The following METTL21A variants were observed in gnomAD, a reference collection of about 807,000 sequenced individuals.
METTL21A encodes the protein methyltransferase 21A, HSPA lysine, also known as protein N-lysine methyltransferase METTL21A.
In METTL21A, 22 loss-of-function variants were observed where a neutral mutation model predicts 20.9. The ratio of observed to expected loss-of-function variants is 1.05; its 90% CI spans 0.75 to 1.50. The LOEUF is 1.50. METTL21A is among the 40% of genes most tolerant of loss of function. METTL21A has a pLI of 0.00. For missense variants in METTL21A, 271 were observed against 266.8 expected (o/e 1.02, Z -0.11); for synonymous variants, 93 against 102.0 (o/e 0.91, Z 0.53).
intron 3 of METTL21A, among the ~76,000 whole-genome samples, chr2:207,586,410 C>G (rs899730721): frequency 1.2e-4 from 19 of 152,136 alleles, no homozygotes; most frequent in African/African-American, 4.3e-4. Context: ...ACCCAAAAAT[C>G]CACTCCAAGT....
At chr2:207,624,686 G>A (rs1022875064) in intron 1 of METTL21A, 1 of 169,984 alleles carries the variant, frequency 5.9e-6, no homozygotes, top group Non-Finnish European at 1.3e-5. Context: ...ACCACTCCGT[G>A]AATTCAGAAC....
chr2:207,585,431 TAA>T (rs1160564643), intron 3 of METTL21A, among the ~76,000 whole-genome samples: 1 of 151,950 alleles, frequency 6.6e-6, no homozygotes, highest in East Asian at 1.9e-4. Flanking sequence ...ACATCTACAG[TAA>T]AAGTCTTTCT....
intron 3 of METTL21A, among the ~76,000 whole-genome samples, chr2:207,587,119 C>T (rs1449593590): frequency 6.6e-6 from 1 of 152,066 alleles, no homozygotes; most frequent in Non-Finnish European, 1.5e-5. Flanking sequence ...AAGGGCCAGG[C>T]GTGGTGGCTC....
chr2:207,592,225 G>A (rs1178855458), intron 3 of METTL21A, among the ~76,000 whole-genome samples: 1 of 152,080 alleles, frequency 6.6e-6, no homozygotes, highest in African/African-American at 2.4e-5. Flanking sequence ...GGCCAACATG[G>A]TGAAACCCTC....
exon 4 of METTL21A, chr2:207,613,402 A>G (rs1559113297): frequency 6.2e-7 from 1 of 1,605,834 alleles, no homozygotes; most frequent in South Asian, 1.1e-5. Context: ...GATTTAAGAA[A>G]TTCTAATGCT....
At chr2:207,593,933 G>A (rs781117579) in intron 3 of METTL21A, among the ~76,000 whole-genome samples, 60 of 152,022 alleles carry the variant, frequency 3.9e-4, no homozygotes, top group Non-Finnish European at 8.2e-4. Context: ...TGGCCAGGCT[G>A]GTCTCAAACT....
rs572134430 is a variant in METTL21A at position 207,592,671 on chromosome 2, A to G, written c.260-10511T>C. On this transcript the variant is annotated intron_variant, in intron 3 of 3. Coordinates refer to the METTL21A transcript ENST00000425132. Reference sequence around the variant, plus strand: ...TGCAGTGGCTCACGCATGTAATCCCAGCACTTTGGGAGACCAAGGCAGGCG... The same window carrying G: ...TGCAGTGGCTCACGCATGTAATCCCGGCACTTTGGGAGACCAAGGCAGGCG... Among the ~76,000 whole-genome samples the G allele has an allele frequency of 1.4e-4, 21 of 152,172 alleles. No homozygotes were observed. In the South Asian group the frequency reaches 4.4e-3, roughly 32 times the overall value.
intron 3 of METTL21A, among the ~76,000 whole-genome samples, chr2:207,620,065 T>G (rs1360261486): frequency 6.6e-6 from 1 of 152,266 alleles, no homozygotes; most frequent in Non-Finnish European, 1.5e-5. Flanking sequence ...CATGAAGCCC[T>G]GGTTCTCAGG....
chr2:207,621,424 CAGAT>C (rs1219461593), intron 3 of METTL21A, among the ~76,000 whole-genome samples: 3 of 152,202 alleles, frequency 2.0e-5, no homozygotes, highest in Non-Finnish European at 4.4e-5. Flanking sequence ...AGGGTTAAAT[CAGAT>C]AGTGTATGGG....
In METTL21A at chr2:207,624,225, T is replaced by A; in HGVS notation, c.147+4A>T. ...TTTTCAGAGGTCCCCCAGGGCTTACTTACCGCATCCCAAACCACCGCTGCG... is the reference window on the plus strand; with the variant it reads ...TTTTCAGAGGTCCCCCAGGGCTTACATACCGCATCCCAAACCACCGCTGCG... On this transcript the variant is annotated splice_donor_region_variant and intron_variant, in intron 2 of 3. Coordinates refer to ENST00000406927, the Ensembl canonical transcript of METTL21A. The A allele has an allele frequency of 1.3e-6, 2 of 1,598,290 alleles. No homozygotes were observed. The highest frequency in any genetic ancestry group is 1.7e-6 in the Non-Finnish European group (2 of 1,173,666).
chr2:207,602,463 G>A (rs751593213), intron 3 of METTL21A: 10 of 202,162 alleles, frequency 4.9e-5, no homozygotes, highest in Non-Finnish European at 1.0e-4. Flanking sequence ...TCAAAGAGTA[G>A]GAAATTCACA....
chr2:207,616,773 G>A (rs960179972), intron 3 of METTL21A, among the ~76,000 whole-genome samples: 15 of 152,024 alleles, frequency 9.9e-5, no homozygotes, highest in African/African-American at 3.6e-4. Flanking sequence ...TTGAACCCGG[G>A]AGGCAGAGGT....
downstream of METTL21A, among the ~76,000 whole-genome samples, chr2:207,581,164 ATTTAGGAAAGTAAAAGAT>A (rs2082913063): frequency 6.6e-6 from 1 of 152,222 alleles, no homozygotes; most frequent in South Asian, 2.1e-4. Flanking sequence ...TAAACCCCCT[ATTTAGGAAAGTAAAAGAT>A]AAAGTAGCAA....
intron 3 of METTL21A, among the ~76,000 whole-genome samples, chr2:207,583,293 G>C (rs571725650): frequency 6.6e-6 from 1 of 152,214 alleles, no homozygotes; most frequent in South Asian, 2.1e-4. Context: ...TACTTAAATA[G>C]GAATACACAC....
At chr2:207,601,459 T>C (rs2087037959) in intron 3 of METTL21A, 1 of 191,624 alleles carries the variant, frequency 5.2e-6, no homozygotes, top group African/African-American at 2.3e-5. Flanking sequence ...TAGATATGAC[T>C]AGCCCAGTTA....
intron 3 of METTL21A, among the ~76,000 whole-genome samples, chr2:207,587,399 A>C (rs914165912): frequency 2.0e-5 from 3 of 151,880 alleles, no homozygotes; most frequent in African/African-American, 7.2e-5. Flanking sequence ...TCTCAAAAAA[A>C]AAAAAAAGGA....
At chr2:207,620,091 C>T (rs963642158) in intron 3 of METTL21A, among the ~76,000 whole-genome samples, 1 of 152,134 alleles carries the variant, frequency 6.6e-6, no homozygotes, top group Non-Finnish European at 1.5e-5. Flanking sequence ...ACAGAAGAAA[C>T]CTCATTTCCC....
intron 3 of METTL21A, among the ~76,000 whole-genome samples, chr2:207,594,371 A>C (rs1255829561): frequency 1.3e-5 from 2 of 152,122 alleles, no homozygotes; most frequent in Non-Finnish European, 2.9e-5. Flanking sequence ...GGTAAACAAC[A>C]ACTCCCCATT....
At chr2:207,617,986 T>C (rs946996041) in intron 3 of METTL21A, among the ~76,000 whole-genome samples, 12 of 152,200 alleles carry the variant, frequency 7.9e-5, no homozygotes, top group Non-Finnish European at 1.8e-4. Context: ...AGTTTGGCTT[T>C]AAACAGATAC....
Sources: allele counts gnomAD v4.1 joint callset (sites outside exome capture counted in the v4.1 genomes callset), GRCh38; gene constraint gnomAD v4.1.1; transcripts MANE v1.5; gene names NCBI Gene and HGNC (gene_info 2026-07-23, HGNC 2026-07-21).